The following NEFH variants were observed in gnomAD, a reference collection of about 807,000 sequenced individuals.
NEFH encodes the protein neurofilament heavy chain, also known as neurofilament heavy polypeptide.
NEFH carries 58 observed loss-of-function variants against 56.6 expected under a neutral mutation model. That is an observed-to-expected ratio of 1.03 (90% confidence interval 0.83 to 1.28). The LOEUF (loss-of-function observed/expected upper bound fraction) is 1.28, where lower values mean the gene tolerates loss of function less well. Ranked by LOEUF, NEFH falls within the 50% of genes most tolerant of loss-of-function variation. The pLI is 0.00. For missense variants in NEFH, 1,221 were observed against 1,307.6 expected (o/e 0.93, Z 1.02); for synonymous variants, 542 against 545.8 (o/e 0.99, Z 0.10).
At position 29,483,363 on chromosome 22, in the gene NEFH, C is replaced by T; in HGVS notation, c.884-12C>T. 6.2e-7 allele frequency: 1 copy of T among 1,613,538 alleles called. No homozygotes were observed. Among genetic ancestry groups the T allele is most frequent in the South Asian group, 1.1e-5 (1 of 91,068 alleles). ...TGTGTCTAACCCTGTGCCCTGCTAC[C>T]TTCTCCCCCAGTGAGGCTGGACCGA... is the stretch of plus-strand genomic sequence containing the variant. On this transcript the variant is annotated splice_polypyrimidine_tract_variant and intron_variant, in intron 1 of 3. Transcript: ENST00000310624.
Position 29,489,285 on chromosome 22 carries a change from A to G in NEFH, c.1645A>G (p.Lys549Glu). Residue 549 changes from lysine to glutamate, a missense_variant, in exon 4 of 4, where the codon AAG becomes GAG. Around this residue, in one of 4 missense-constraint regions of NEFH, gnomAD observed 243 missense variants for 299.1 expected, o/e 0.81. Transcript: ENST00000310624. ...CCCAGCCGAAGTCAAGTCCCCTGAG[A>G]AGGCCAAGTCTCCAGCAAAGGAAGA... ...KSPAEVKSPE[K>E]AKSPAKEEAK... 6.2e-7 allele frequency: 1 copy of G among 1,613,024 alleles called. No individual in the cohort carries two copies. The highest frequency in any genetic ancestry group is 1.3e-5 in the African/African-American group (1 of 74,454).
chr22:29,489,997 A>G lies in NEFH; in HGVS notation c.2357A>G (p.Lys786Arg). 6.2e-7 allele frequency: 1 copy of G among 1,613,822 alleles called. No individual in the cohort carries two copies. ...SPADKFPEKAKSPVKEEVKSP... is the reference protein window; with the variant it reads ...SPADKFPEKARSPVKEEVKSP... ...GCAGACAAATTCCCTGAAAAGGCCA[A>G]AAGCCCTGTCAAGGAGGAGGTCAAG... The change falls in exon 4 of 4, where the codon AAA becomes AGA. Residue 786 changes from lysine to arginine, a missense_variant. Transcript: ENST00000310624.
chr22:29,490,533 C>G lies in NEFH; in HGVS notation c.2893C>G (p.Pro965Ala), dbSNP rs2063075182. 1.9e-6 allele frequency: 3 copies of G among 1,605,426 alleles called. No homozygotes were observed. The highest frequency in any genetic ancestry group is 2.2e-5 in the East Asian group (1 of 44,844). The change falls in exon 4 of 4, where the codon CCT becomes GCT. Residue 965 changes from proline to alanine, a missense_variant. By Grantham distance (27) the Pro-to-Ala change is conservative (BLOSUM62 -1). Around this residue, in one of 4 missense-constraint regions of NEFH, gnomAD observed 301 missense variants for 346.6 expected, o/e 0.87. Transcript: ENST00000310624. Reference protein sequence around the residue: ...KDTKEEKAKKPEEKPKTEAKA... With the variant: ...KDTKEEKAKKAEEKPKTEAKA... The stretch of plus-strand genomic sequence containing the variant: ...CACCAAGGAGGAGAAGGCCAAGAAG[C>G]CTGAGGAGAAACCCAAGACAGAGGC...
chr22:29,486,928 A>G (rs1282257350), intron 3 of NEFH, among the ~76,000 whole-genome samples: 1 of 152,190 alleles, frequency 6.6e-6, no homozygotes, highest in Non-Finnish European at 1.5e-5. Context: ...TTTGAAGGGA[A>G]AAGAGGTGCT....
chr22:29,482,050 G>T (rs747959620), intron 1 of NEFH, among the ~76,000 whole-genome samples: 5 of 152,200 alleles, frequency 3.3e-5, no homozygotes, highest in Non-Finnish European at 5.9e-5. Flanking sequence ...GAGGGCAGAG[G>T]CTTCAGTGAT....
At position 29,490,037 on chromosome 22, in the gene NEFH, G is replaced by A. The variant is rs376035598; in HGVS notation, c.2397G>A (p.Ala799=). The A allele has an allele frequency of 3.5e-5, 57 of 1,613,146 alleles. No individual in the cohort carries two copies. The highest frequency in any genetic ancestry group is 1.6e-4 in the Middle Eastern group (1 of 6,076). Residue 799 remains alanine (A), a synonymous_variant, in exon 4 of 4, where the codon GCG becomes GCA. Transcript: ENST00000310624. ...AGGAGGTCAAGTCCCCAGAGAAGGC[G>A]AAATCTCCCCTGAAGGAGGATGCCA... The part of the protein sequence containing the change: ...VKEEVKSPEK[A]KSPLKEDAKA...
chr22:29,485,825 G>A lies in NEFH; in HGVS notation c.1186G>A (p.Asp396Asn). Residue 396 changes from aspartate to asparagine, a missense_variant, in exon 3 of 4, where the codon GAT becomes AAT. This residue lies in a region of NEFH where 243 missense variants were observed against 299.1 expected (regional missense o/e 0.81). Coordinates refer to ENST00000310624, the MANE Select transcript of NEFH (RefSeq NM_021076.4). ...QDLLNVKMAL[D>N]IEIAAYRKLL... is the part of the protein sequence containing the mutation. ...CCTGCTCAATGTCAAGATGGCTCTG[G>A]ATATAGAGATAGCCGCTTACAGGTG... is the stretch of plus-strand genomic sequence containing the variant. 2 of 1,614,242 alleles carry A rather than the reference G, an allele frequency of 1.2e-6. No homozygotes were observed. The highest frequency in any genetic ancestry group is 1.7e-6 in the Non-Finnish European group (2 of 1,180,034).
Position 29,480,522 on chromosome 22 carries a change from G to C in NEFH, c.260G>C (p.Cys87Ser). The change falls in exon 1 of 4, where the codon TGC (cysteine) becomes TCC (serine). Residue 87 changes from cysteine to serine, a missense_variant. This residue lies in a region of NEFH where 640 missense variants were observed against 555.5 expected (regional missense o/e 1.15). Coordinates refer to ENST00000310624, the MANE Select transcript of NEFH (RefSeq NM_021076.4). ...LDTLSNGPEG[C>S]MVAVATSRSE... ...ACGCTGAGCAACGGGCCGGAGGGCT[G>C]CATGGTGGCGGTGGCCACCTCACGC... 1 of 1,536,174 alleles carries C rather than the reference G, an allele frequency of 6.5e-7. No individual in the cohort carries two copies.
rs2063005315 is a variant in NEFH, at chr22:29,481,094, C to T, written c.832C>T (p.Leu278Phe). The change falls in exon 1 of 4, where the codon CTT becomes TTT. Residue 278 changes from leucine (L) to phenylalanine (F), a missense_variant. Around this residue, in one of 4 missense-constraint regions of NEFH, gnomAD observed 640 missense variants for 555.5 expected, o/e 1.15. Transcript: ENST00000310624. The part of the protein sequence containing the change: ...TSALREIRAQ[L>F]EGHAVQSTLQ... ...GGCGCTGCGCGAGATTCGCGCGCAG[C>T]TTGAAGGCCACGCGGTGCAGAGCAC... 4.6e-6 allele frequency: 7 copies of T among 1,532,076 alleles called. No homozygotes were observed. In the South Asian group the frequency reaches 4.8e-5, roughly 10 times the overall value. The allele number at this position is 1,532,076 out of a possible 1,614,324, so 94.9% of individuals were successfully genotyped here. A position where few individuals can be genotyped will look rare whatever the true frequency, so the allele number is the denominator to read the frequency against.
chr22:29,489,212 A>C lies in NEFH; in HGVS notation c.1572A>C (p.Ala524=). Residue 524 remains alanine (A), a synonymous_variant, in exon 4 of 4, where the codon GCA becomes GCC. Transcript: ENST00000310624. ...CCAAGTCACCAGTAAAGGAAGAGGC[A>C]AAGTCACCGGCTGAGGCCAAGTCCC... is the stretch of plus-strand genomic sequence containing the variant. The part of the protein sequence containing the change: ...KEAKSPVKEE[A]KSPAEAKSPE... 1 of 1,614,188 alleles carries C rather than the reference A, an allele frequency of 6.2e-7. No homozygotes were observed. The highest frequency in any genetic ancestry group is 8.5e-7 in the Non-Finnish European group (1 of 1,180,028).
At chr22:29,484,584 T>C (rs1189328194) in intron 2 of NEFH, among the ~76,000 whole-genome samples, 1 of 151,964 alleles carries the variant, frequency 6.6e-6, no homozygotes, top group Non-Finnish European at 1.5e-5. Flanking sequence ...GAGATGGGGG[T>C]TACAGTGAGC....
Position 29,480,802 on chromosome 22 carries a change from C to A in NEFH, c.540C>A (p.His180Gln). ...AGCACCTGCTCGAGGACATCGCGCA[C>A]GTGCGCCAGCGCCTAGACGACGAGG... Reference protein sequence around the residue: ...EQEHLLEDIAHVRQRLDDEAR... With the variant: ...EQEHLLEDIAQVRQRLDDEAR... Residue 180 changes from histidine (H) to glutamine (Q), a missense_variant, in exon 1 of 4, where the codon CAC becomes CAA. His to Gln is a conservative substitution (Grantham distance 24). Coordinates refer to ENST00000310624, the MANE Select transcript of NEFH (RefSeq NM_021076.4). 7.1e-7 allele frequency: 1 copy of A among 1,407,582 alleles called. No individual in the cohort carries two copies. Among genetic ancestry groups the A allele is most frequent in the Non-Finnish European group, 9.2e-7 (1 of 1,091,944 alleles). 87.2% of individuals were successfully genotyped at this position (1,407,582 alleles called of 1,614,324 possible). A position where few individuals can be genotyped will look rare whatever the true frequency, so the allele number is the denominator to read the frequency against.
Position 29,480,851 on chromosome 22 carries a change from G to A in NEFH, c.589G>A (p.Ala197Thr). 7.2e-7 allele frequency: 1 copy of A among 1,394,718 alleles called. No individual in the cohort carries two copies. Among genetic ancestry groups the A allele is most frequent in the Non-Finnish European group, 9.2e-7 (1 of 1,087,042 alleles). 86.4% of individuals were successfully genotyped at this position (1,394,718 alleles called of 1,614,324 possible). A position where few individuals can be genotyped will look rare whatever the true frequency, so the allele number is the denominator to read the frequency against. ...GGCCCGGCAGCGAGAGGAGGCCGAG[G>A]CGGCGGCCCGCGCGCTGGCGCGCTT... Reference protein sequence around the residue: ...DEARQREEAEAAARALARFAQ... With the variant: ...DEARQREEAETAARALARFAQ... Residue 197 changes from alanine to threonine, a missense_variant, in exon 1 of 4, where the codon GCG becomes ACG. Coordinates refer to ENST00000310624, the MANE Select transcript of NEFH (RefSeq NM_021076.4).
Position 29,485,943 on chromosome 22 carries a change from T to G in NEFH, c.1208+96T>G, listed in dbSNP as rs561712717. ...CAAGACCCCGTTTAGGCAGCCTACC[T>G]GTCTTAGGGACAAAATTCTTTTTAA... On this transcript the variant is annotated intron_variant, in intron 3 of 3. Transcript: ENST00000310624. The G allele has an allele frequency of 2.9e-5, 39 of 1,347,094 alleles. 1 individual carries two copies. The South Asian group carries it at 4.1e-4, about 14-fold the overall frequency. The allele number at this position is 1,347,094 out of a possible 1,614,324, so 83.4% of individuals were successfully genotyped here.
At position 29,480,347 on chromosome 22, in the gene NEFH, G is replaced by T. The variant is rs752311867; in HGVS notation, c.85G>T (p.Ala29Ser). 1.4e-4 allele frequency: 218 copies of T among 1,532,450 alleles called. No individual in the cohort carries two copies. The highest frequency in any genetic ancestry group is 1.8e-4 in the Non-Finnish European group (204 of 1,147,510). The allele number at this position is 1,532,450 out of a possible 1,614,324, so 94.9% of individuals were successfully genotyped here. Residue 29 changes from alanine (A) to serine (S), a missense_variant, in exon 1 of 4, where the codon GCC (alanine) becomes TCC (serine). By Grantham distance (99) the Ala-to-Ser change is moderately conservative (BLOSUM62 1). This residue lies in a region of NEFH where 640 missense variants were observed against 555.5 expected (regional missense o/e 1.15). Transcript: ENST00000310624. ...HGGGSLHYAL[A>S]RKGGAGGTRS... is the part of the protein sequence containing the mutation. ...CGGCGGCAGCCTCCACTACGCGCTAGCCCGAAAGGGTGGCGCAGGCGGGAC... is the reference window on the plus strand; with the variant it reads ...CGGCGGCAGCCTCCACTACGCGCTATCCCGAAAGGGTGGCGCAGGCGGGAC...
intron 2 of NEFH, among the ~76,000 whole-genome samples, chr22:29,484,364 G>T (rs574410406): frequency 4.6e-5 from 7 of 152,276 alleles, no homozygotes; most frequent in South Asian, 2.1e-4. Flanking sequence ...TGGCGGCTGG[G>T]CCTAGTGGCT....
In NEFH at chr22:29,480,310, G is replaced by T; in HGVS notation, c.48G>T (p.Ala16=). 6.6e-7 allele frequency: 1 copy of T among 1,505,952 alleles called. No homozygotes were observed. Among genetic ancestry groups the T allele is most frequent in the East Asian group, 2.6e-5 (1 of 38,480 alleles). 93.3% of individuals were successfully genotyped at this position (1,505,952 alleles called of 1,614,324 possible). Residue 16 remains alanine, a synonymous_variant, in exon 1 of 4, where the codon GCG becomes GCT. Coordinates refer to ENST00000310624, the MANE Select transcript of NEFH (RefSeq NM_021076.4). ...ACGCGCTGCTGGGCGCCCCGTTCGC[G>T]CCGCTGCATGGCGGCGGCAGCCTCC... ...GADALLGAPF[A]PLHGGGSLHY... is the part of the protein sequence containing the mutation.
intron 1 of NEFH, among the ~76,000 whole-genome samples, chr22:29,483,006 C>T (rs762182598): frequency 9.9e-5 from 15 of 152,064 alleles, no homozygotes; most frequent in Non-Finnish European, 2.2e-4. Flanking sequence ...TTAGGCCGGG[C>T]GTGGTGGCTC....
chr22:29,483,304 AG>A, intron 1 of NEFH, 70 bp from the exon 2 acceptor site: 2 of 1,410,930 alleles, frequency 1.4e-6, no homozygotes, highest in Non-Finnish European at 2.0e-6. Flanking sequence ...AAAAGAACAA[AG>A]AAAAAAATCT....
Sources: gnomAD v4.1 joint callset for allele counts (sites outside exome capture counted in the v4.1 genomes callset) on GRCh38, gnomAD v4.1.1 for gene constraint, gnomAD v4.1.1 regional missense constraint, MANE v1.5 for transcripts, NCBI Gene and HGNC (gene_info 2026-07-23, HGNC 2026-07-21) for gene names.